LRRTM4: variants seen among roughly 807,000 people sequenced by gnomAD.
The protein encoded by LRRTM4 is leucine-rich repeat transmembrane neuronal protein 4.
Under a neutral mutation model 47.6 loss-of-function variants are expected in LRRTM4, and 25 were observed. The observed-to-expected ratio is 0.53, with a 90% CI of 0.38 to 0.73. The LOEUF (loss-of-function observed/expected upper bound fraction) is 0.73, where lower values mean the gene tolerates loss of function less well. Among genes scored for constraint, LRRTM4 ranks in the 30% least tolerant of loss-of-function variants. LRRTM4 has a pLI of 0.00. For missense variants in LRRTM4, 638 were observed against 713.4 expected (o/e 0.89, Z 1.20); for synonymous variants, 311 against 269.5 (o/e 1.15, Z -1.51).
At chr2:76,768,528 TG>T (rs1427691532) in intron 3 of LRRTM4, among the ~76,000 whole-genome samples, 2 of 152,132 alleles carry the variant, frequency 1.3e-5, no homozygotes, top group African/African-American at 4.8e-5. Flanking sequence ...TATCCATGCT[TG>T]GGGAAAACAT....
chr2:76,767,609 T>A (rs773784474), intron 3 of LRRTM4, among the ~76,000 whole-genome samples: 15 of 152,164 alleles, frequency 9.9e-5, no homozygotes, highest in Non-Finnish European at 1.6e-4. Flanking sequence ...CAAGTGTGAA[T>A]CACAAACAGA....
intron 3 of LRRTM4, among the ~76,000 whole-genome samples, chr2:77,041,806 G>T (rs544093138): frequency 5.4e-5 from 8 of 149,314 alleles, no homozygotes; most frequent in Non-Finnish European, 7.5e-5. Flanking sequence ...AAATCATTGC[G>T]GTTTTTGCTT....
In LRRTM4 at chr2:76,817,662, T is replaced by C. The variant is rs546082108; in HGVS notation, c.1552-68746A>G. Among the ~76,000 whole-genome samples the C allele has an allele frequency of 1.9e-4, 29 of 152,120 alleles. No homozygotes were observed. The East Asian group carries it at 4.6e-3, about 24-fold the overall frequency. ...GAATTGCAGCCAGAGAATGAGGCTA[T>C]GCCCATATATGACTACTCAACTTCC... is the stretch of plus-strand genomic sequence containing the variant. On this transcript the variant is annotated intron_variant, in intron 3 of 3. Transcript: ENST00000409884.
At chr2:76,984,118 TTA>T (rs1676709036) in intron 3 of LRRTM4, among the ~76,000 whole-genome samples, 1 of 151,980 alleles carries the variant, frequency 6.6e-6, no homozygotes, top group African/African-American at 2.4e-5. Context: ...TGTTAAAATG[TTA>T]GTAATTGCAT....
intron 3 of LRRTM4, among the ~76,000 whole-genome samples, chr2:77,157,894 G>C (rs1218050815): frequency 6.6e-6 from 1 of 152,052 alleles, no homozygotes; most frequent in Admixed American, 6.6e-5. Context: ...TGAAACTACA[G>C]GTCAAACAGC....
intron 3 of LRRTM4, among the ~76,000 whole-genome samples, chr2:76,798,713 TAAAGAA>T (rs1243240289): frequency 1.1e-4 from 16 of 149,270 alleles, no homozygotes; most frequent in African/African-American, 3.2e-4. Context: ...GCAAGACTAA[TAAAGAA>T]GAAAAGAGAG....
intron 3 of LRRTM4, among the ~76,000 whole-genome samples, chr2:76,830,848 T>C (rs898856912): frequency 2.6e-5 from 4 of 152,020 alleles, no homozygotes; most frequent in African/African-American, 9.7e-5. Context: ...TAATTCCAGT[T>C]TGTCTTTCAG....
At chr2:77,369,014 T>A (rs1187777039) in intron 3 of LRRTM4, among the ~76,000 whole-genome samples, 4 of 151,802 alleles carry the variant, frequency 2.6e-5, no homozygotes, top group East Asian at 1.9e-4. Flanking sequence ...TTATCTCTTA[T>A]CTTTTTGATA....
At chr2:76,980,615 T>C (rs1361031274) in intron 3 of LRRTM4, among the ~76,000 whole-genome samples, 2 of 151,794 alleles carry the variant, frequency 1.3e-5, no homozygotes, top group Non-Finnish European at 2.9e-5. Flanking sequence ...GCCTGGTATG[T>C]TGGCAAGCAA....
chr2:77,296,210 A>G (rs907804203), intron 3 of LRRTM4, among the ~76,000 whole-genome samples: 1 of 152,196 alleles, frequency 6.6e-6, no homozygotes, highest in African/African-American at 2.4e-5. Context: ...TTATTCCCCA[A>G]TATTTTCCCC....
intron 3 of LRRTM4, among the ~76,000 whole-genome samples, chr2:76,967,274 G>C (rs1247663493): frequency 6.6e-6 from 1 of 150,996 alleles, no homozygotes; most frequent in Non-Finnish European, 1.5e-5. Context: ...CAGTCAGAAA[G>C]TGCTAGAAAT....
At chr2:76,807,933 CTTTCT>C (rs1558668190) in intron 3 of LRRTM4, among the ~76,000 whole-genome samples, 1,727 of 124,652 alleles carry the variant, frequency 0.014, 32 homozygotes, top group African/African-American at 0.052. Flanking sequence ...CTTTCCTTTC[CTTTCT>C]TTCTTTCTTT....
intron 3 of LRRTM4, among the ~76,000 whole-genome samples, chr2:77,012,967 G>C (rs953211247): frequency 6.6e-6 from 1 of 152,206 alleles, no homozygotes; most frequent in Non-Finnish European, 1.5e-5. Flanking sequence ...GGAAAATACA[G>C]ATGTTCAAGA....
At chr2:77,398,523 GT>G (rs1476911609) in intron 3 of LRRTM4, among the ~76,000 whole-genome samples, 1 of 151,822 alleles carries the variant, frequency 6.6e-6, no homozygotes, top group East Asian at 1.9e-4. Context: ...TTTAGGTTGA[GT>G]TTTGATGATG....
At chr2:76,811,219 C>T (rs62172138) in intron 3 of LRRTM4, among the ~76,000 whole-genome samples, 18,048 of 152,094 alleles carry the variant, frequency 0.12, 1,414 homozygotes, top group Admixed American at 0.21. Context: ...TATAGAGTTC[C>T]TGACATAGGC....
At chr2:77,094,549 G>T (rs902913691) in intron 3 of LRRTM4, among the ~76,000 whole-genome samples, 1 of 152,088 alleles carries the variant, frequency 6.6e-6, no homozygotes, top group Admixed American at 6.6e-5. Flanking sequence ...TATTGTAATA[G>T]AAATAGTATG....
At chr2:76,755,906 T>C (rs1273012131) in intron 3 of LRRTM4, among the ~76,000 whole-genome samples, 1 of 152,152 alleles carries the variant, frequency 6.6e-6, no homozygotes, top group Admixed American at 6.5e-5. Context: ...TTCCTGGCCA[T>C]GGCAAAACAG....
intron 3 of LRRTM4, among the ~76,000 whole-genome samples, chr2:77,119,638 A>G (rs1452076681): frequency 6.6e-6 from 1 of 151,848 alleles, no homozygotes; most frequent in Non-Finnish European, 1.5e-5. Context: ...TACTTCCTAT[A>G]AACAAATTCA....
intron 3 of LRRTM4, among the ~76,000 whole-genome samples, chr2:77,435,566 T>C (rs1474013731): frequency 1.3e-5 from 2 of 152,132 alleles, no homozygotes; most frequent in Non-Finnish European, 2.9e-5. Context: ...TGCAAAGTCA[T>C]ACCGAATGGG....
Sources: gnomAD v4.1 joint callset for allele counts (sites outside exome capture counted in the v4.1 genomes callset) on GRCh38, gnomAD v4.1.1 for gene constraint, MANE v1.5 for transcripts, NCBI Gene and HGNC (gene_info 2026-07-23, HGNC 2026-07-21) for gene names.